Variants in LARGE1 observed in about 807,000 individuals in gnomAD.
The protein encoded by LARGE1 is LARGE xylosyl- and glucuronyltransferase 1.
Under a neutral mutation model 87.6 loss-of-function variants are expected in LARGE1, and 43 were observed. The observed-to-expected ratio is 0.49, with a 90% CI of 0.38 to 0.63. LARGE1 has a LOEUF of 0.63. Ranked by LOEUF, LARGE1 falls within the 30% of genes least tolerant of loss-of-function variation. The pLI, the probability that LARGE1 is intolerant of heterozygous loss-of-function variation, is 0.00. For synonymous variants in LARGE1, 434 were observed against 394.6 expected (o/e 1.10, Z -1.18); for missense variants, 802 against 1,000.2 (o/e 0.80, Z 2.67).
At chr22:33,629,182 G>A (rs1057218100) in intron 3 of LARGE1, among the ~76,000 whole-genome samples, 2 of 152,140 alleles carry the variant, frequency 1.3e-5, no homozygotes, top group African/African-American at 4.8e-5. Flanking sequence ...TAATGCAGAT[G>A]TAACTGTCAC....
chr22:33,773,731 C>G (rs2085143030), intron 1 of LARGE1, among the ~76,000 whole-genome samples: 1 of 152,236 alleles, frequency 6.6e-6, no homozygotes, highest in Non-Finnish European at 1.5e-5. Flanking sequence ...GATTTGTTAT[C>G]CTGGAGCCTC....
intron 7 of LARGE1, among the ~76,000 whole-genome samples, chr22:33,416,934 G>T: frequency 1.1e-5 from 1 of 88,924 alleles, no homozygotes; most frequent in Non-Finnish European, 2.0e-5. Flanking sequence ...TTGAGACAGA[G>T]TCTCGCTGTG....
At chr22:33,673,041 G>A (rs570809096) in intron 2 of LARGE1, among the ~76,000 whole-genome samples, 2 of 152,158 alleles carry the variant, frequency 1.3e-5, no homozygotes, top group Admixed American at 1.3e-4. Context: ...TTGGGAGGCT[G>A]AGGCAGGCAG....
chr22:33,658,748 A>G (rs2081041199), intron 2 of LARGE1, among the ~76,000 whole-genome samples: 1 of 152,160 alleles, frequency 6.6e-6, no homozygotes, highest in Non-Finnish European at 1.5e-5. Context: ...CAATAAACAT[A>G]TGTGTGCATG....
At chr22:33,735,141 A>G (rs1336888392) in intron 2 of LARGE1, among the ~76,000 whole-genome samples, 1 of 152,232 alleles carries the variant, frequency 6.6e-6, no homozygotes, top group Non-Finnish European at 1.5e-5. Context: ...GGAAGGACAA[A>G]GGCTGATCAT....
intron 6 of LARGE1, among the ~76,000 whole-genome samples, chr22:33,552,361 C>T (rs2077552018): frequency 6.6e-6 from 1 of 152,134 alleles, no homozygotes; most frequent in Admixed American, 6.6e-5. Context: ...CCTATACAAA[C>T]ACTTGCTTCC....
At chr22:33,687,050 C>T (rs1223155836) in intron 2 of LARGE1, among the ~76,000 whole-genome samples, 1 of 152,100 alleles carries the variant, frequency 6.6e-6, no homozygotes, top group African/African-American at 2.4e-5. Flanking sequence ...ACATGCCAAG[C>T]TTGTTCTGTC....
At chr22:33,183,555 C>T (rs551568479) in intron 11 of LARGE1, among the ~76,000 whole-genome samples, 8 of 151,646 alleles carry the variant, frequency 5.3e-5, no homozygotes, top group African/African-American at 1.9e-4. Context: ...GCATTATTCA[C>T]AATAGCCAAG....
At chr22:33,885,329 T>C (rs1322132077) in intron 1 of LARGE1, among the ~76,000 whole-genome samples, 1 of 152,218 alleles carries the variant, frequency 6.6e-6, no homozygotes, top group African/African-American at 2.4e-5. Context: ...AGGGGGCAGC[T>C]CCAACTCCTG....
At chr22:33,807,130 G>C (rs2086337756) in intron 1 of LARGE1, among the ~76,000 whole-genome samples, 1 of 152,182 alleles carries the variant, frequency 6.6e-6, no homozygotes, top group Non-Finnish European at 1.5e-5. Context: ...CCTAGAGACA[G>C]TGTGTCTGTA....
chr22:33,760,701 C>T (rs2084696053), intron 2 of LARGE1, among the ~76,000 whole-genome samples: 1 of 152,144 alleles, frequency 6.6e-6, no homozygotes, highest in Admixed American at 6.5e-5. Context: ...GTGGGCAGAT[C>T]ACAAGGTCAA....
chr22:33,384,050 C>G (rs2065244714), intron 8 of LARGE1, 142 bp downstream of exon 8: 1 of 748,276 alleles, frequency 1.3e-6, no homozygotes, highest in Non-Finnish European at 2.4e-6. Flanking sequence ...CTTAGACTGG[C>G]AAGAATAAGG....
rs1019727688 is a variant in LARGE1 at position 33,809,160 on chromosome 22, T to C, written c.-82-47602A>G. Among the ~76,000 whole-genome samples, 13 of 151,760 alleles carry C rather than the reference T, an allele frequency of 8.6e-5. 1 individual carries two copies. The highest frequency in any genetic ancestry group is 4.2e-4 in the South Asian group (2 of 4,800). ...GGTAGTGGGTGCCTGTAATCCCAGCTACTCAGGAGGCTCAGGCAAGAGAAC... is the reference window on the plus strand; with the variant it reads ...GGTAGTGGGTGCCTGTAATCCCAGCCACTCAGGAGGCTCAGGCAAGAGAAC... On this transcript the variant is annotated intron_variant, in intron 1 of 14. Transcript: ENST00000397394.
intron 11 of LARGE1, among the ~76,000 whole-genome samples, chr22:33,313,655 G>A (rs1017975279): frequency 2.0e-5 from 3 of 152,194 alleles, no homozygotes. Flanking sequence ...GCTAGGAACT[G>A]AGCGTGGCTT....
chr22:33,141,274 C>G, the LARGE1 span, among the ~76,000 whole-genome samples: 4 of 151,622 alleles, frequency 2.6e-5, no homozygotes, highest in East Asian at 7.7e-4. Context: ...AAAAGAATAG[C>G]TCTAAAAACT....
intron 2 of LARGE1, among the ~76,000 whole-genome samples, chr22:33,678,805 C>T (rs1010366970): frequency 3.3e-5 from 5 of 152,176 alleles, no homozygotes; most frequent in African/African-American, 9.7e-5. Flanking sequence ...CATCTGCGAC[C>T]GTTTTGCCAT....
At chr22:33,261,255 G>A (rs1352506962) in intron 11 of LARGE1, among the ~76,000 whole-genome samples, 1 of 152,198 alleles carries the variant, frequency 6.6e-6, no homozygotes, top group African/African-American at 2.4e-5. Context: ...TCTCCACACA[G>A]TGCTGTAGCT....
exon 12 of LARGE1, chr22:33,165,197 G>T (rs1196612471): frequency 6.6e-6 from 1 of 152,176 alleles, no homozygotes; most frequent in Non-Finnish European, 1.5e-5. Flanking sequence ...TACCCCAGAA[G>T]AACTTCGGGG....
intron 2 of LARGE1, among the ~76,000 whole-genome samples, chr22:33,713,087 C>T (rs1473661818): frequency 6.6e-6 from 1 of 151,858 alleles, no homozygotes; most frequent in African/African-American, 2.4e-5. Context: ...CAGCTCAGTG[C>T]TTCATTTCAT....
Sources: allele counts gnomAD v4.1 joint callset (sites outside exome capture counted in the v4.1 genomes callset), GRCh38; gene constraint gnomAD v4.1.1; transcripts MANE v1.5; gene names NCBI Gene and HGNC (gene_info 2026-07-23, HGNC 2026-07-21).